Variants in RUNX1T1 observed in about 807,000 individuals in gnomAD.
RUNX1T1 encodes the protein protein CBFA2T1.
RUNX1T1 carries 4 observed loss-of-function variants against 62.8 expected under a neutral mutation model. The observed-to-expected ratio is 0.06, with a 90% CI of 0.03 to 0.15. The LOEUF (loss-of-function observed/expected upper bound fraction) is 0.15. Among genes scored for constraint, RUNX1T1 ranks in the 10% least tolerant of loss-of-function variants. RUNX1T1 has a pLI of 1.00. For missense variants in RUNX1T1, 508 were observed against 754.3 expected, an observed-to-expected ratio of 0.67 and a Z score of 3.82; for synonymous variants, 291 against 286.0, an observed-to-expected ratio of 1.02 and a Z score of -0.18.
At chr8:92,014,026 CTGTA>C (rs1822501871) in intron 3 of RUNX1T1, among the ~76,000 whole-genome samples, 2 of 151,976 alleles carry the variant, frequency 1.3e-5, no homozygotes, top group Admixed American at 6.6e-5. Flanking sequence ...AAATGATGAA[CTGTA>C]TGTATATTTT....
At chr8:92,101,537 G>A (rs555865978), upstream of RUNX1T1, among the ~76,000 whole-genome samples, 7 of 152,122 alleles carry the variant, frequency 4.6e-5, no homozygotes, top group Non-Finnish European at 1.0e-4. Flanking sequence ...GGAATTTGTG[G>A]TGCCCAGTCT....
In RUNX1T1 at chr8:92,024,497, C is replaced by CAAAAAAAAAAA. The variant is rs34547904; in HGVS notation, c.8-7145_8-7135dup. 1.8e-3 allele frequency among the ~76,000 whole-genome samples: 31 copies of CAAAAAAAAAAA among 17,542 alleles called. 2 individuals carry two copies. The highest frequency in any genetic ancestry group is 2.1e-3 in the Non-Finnish European group (18 of 8,714). 11.5% of individuals were successfully genotyped at this position (17,542 alleles called of 152,430 possible). A position where few individuals can be genotyped will look rare whatever the true frequency, so the allele number is the denominator to read the frequency against. ...GGGGTAACAGAGTGAAACCCCAACTCAAAAAAAAAAAAAAAAAAAAAAAAA... is the reference window on the plus strand; with the variant it reads ...GGGGTAACAGAGTGAAACCCCAACTCAAAAAAAAAAAAAAAAAAAAAAAAAAAAAAAAAAAA... On this transcript the variant is annotated intron_variant, in intron 1 of 10. Transcript: ENST00000396218.
At chr8:91,997,056 C>A (rs192263777) in intron 5 of RUNX1T1, among the ~76,000 whole-genome samples, 15 of 152,064 alleles carry the variant, frequency 9.9e-5, no homozygotes, top group African/African-American at 2.7e-4. Context: ...GAACCTGAGG[C>A]ACAGAGGTTG....
At chr8:92,000,484 A>C (rs1819553944) in intron 5 of RUNX1T1, among the ~76,000 whole-genome samples, 1 of 152,198 alleles carries the variant, frequency 6.6e-6, no homozygotes, top group African/African-American at 2.4e-5. Context: ...TTCATAGAAA[A>C]CCGAATGCAG....
chr8:92,000,030 G>A (rs1168823100), intron 5 of RUNX1T1, among the ~76,000 whole-genome samples: 2 of 152,166 alleles, frequency 1.3e-5, no homozygotes. Context: ...TTGTGGCTCG[G>A]TACAGTGGCT....
At chr8:91,981,404 CTTTTTTTTTTTTTTT>C (rs67366711) in intron 8 of RUNX1T1, among the ~76,000 whole-genome samples, 5 of 63,884 alleles carry the variant, frequency 7.8e-5, no homozygotes, top group Admixed American at 2.2e-4. Flanking sequence ...AGTTACTAAG[CTTTTTTTTTTTTTTT>C]TTTTTTTTTT....
chr8:92,026,162 C>T (rs1825108066), intron 1 of RUNX1T1, among the ~76,000 whole-genome samples: 1 of 152,108 alleles, frequency 6.6e-6, no homozygotes, highest in Non-Finnish European at 1.5e-5. Context: ...TTTCTCTGTT[C>T]TATAATGGGC....
intron 1 of RUNX1T1, among the ~76,000 whole-genome samples, chr8:92,055,604 G>C (rs1372166159): frequency 6.6e-6 from 1 of 152,094 alleles, no homozygotes. Context: ...ACCACGCCTG[G>C]CTTCCACTTT....
chr8:92,004,461 G>C (rs1270672293), intron 5 of RUNX1T1: 2 of 152,154 alleles, frequency 1.3e-5, no homozygotes, highest in African/African-American at 4.8e-5. Flanking sequence ...CAATTACTCT[G>C]TAGGGTTTAA....
At chr8:91,986,775 A>T in intron 7 of RUNX1T1, 112 bp downstream of exon 8, 1 of 725,850 alleles carries the variant, frequency 1.4e-6, no homozygotes, top group Non-Finnish European at 2.4e-6. Flanking sequence ...TTTCAAGGAT[A>T]GCAGGAAAAA....
intron 1 of RUNX1T1, among the ~76,000 whole-genome samples, chr8:92,091,185 T>C (rs1836944669): frequency 2.0e-5 from 3 of 152,226 alleles, no homozygotes; most frequent in Non-Finnish European, 2.9e-5. Flanking sequence ...AAGATCTATA[T>C]TCTAAAGGCC....
At chr8:91,956,450 A>T (rs1809400530), downstream of RUNX1T1, 1 of 228,028 alleles carries the variant, frequency 4.4e-6, no homozygotes. Context: ...GGCTGGGGTC[A>T]CTGGTGGGCA....
intron 5 of RUNX1T1, among the ~76,000 whole-genome samples, chr8:92,001,151 C>CA (rs1310630399): frequency 6.6e-6 from 1 of 151,766 alleles, no homozygotes; most frequent in Non-Finnish European, 1.5e-5. Context: ...CATAGCGAGA[C>CA]ACTGTCTTAA....
chr8:92,007,109 G>T (rs775192908), intron 4 of RUNX1T1, among the ~76,000 whole-genome samples: 25 of 152,076 alleles, frequency 1.6e-4, no homozygotes, highest in African/African-American at 3.4e-4. Context: ...TAGATACCTT[G>T]TGTCATAAAA....
intron 1 of RUNX1T1, among the ~76,000 whole-genome samples, chr8:92,082,640 C>A (rs1835452272): frequency 6.6e-6 from 1 of 152,200 alleles, no homozygotes; most frequent in Non-Finnish European, 1.5e-5. Flanking sequence ...GAAGAAAAAA[C>A]AGTGAGACTC....
chr8:92,096,245 T>C (rs1368344577), intron 1 of RUNX1T1, among the ~76,000 whole-genome samples: 1 of 152,056 alleles, frequency 6.6e-6, no homozygotes, highest in Non-Finnish European at 1.5e-5. Context: ...CCTCCAGAAA[T>C]TGTGTTGGGG....
chr8:92,040,831 G>T (rs1216598811), intron 1 of RUNX1T1, among the ~76,000 whole-genome samples: 2 of 152,074 alleles, frequency 1.3e-5, no homozygotes, highest in African/African-American at 4.8e-5. Flanking sequence ...CTTGTGCCCA[G>T]GTGTTAAAAG....
intron 10 of RUNX1T1, among the ~76,000 whole-genome samples, chr8:91,962,056 G>A (rs1035339804): frequency 3.3e-5 from 5 of 152,176 alleles, no homozygotes; most frequent in Non-Finnish European, 7.3e-5. Context: ...CCCTGTGTAT[G>A]GCTTTACCAC....
intron 10 of RUNX1T1, among the ~76,000 whole-genome samples, chr8:91,962,238 T>C (rs943316451): frequency 6.6e-6 from 1 of 152,144 alleles, no homozygotes; most frequent in African/African-American, 2.4e-5. Context: ...CAGACATTGC[T>C]ATGTTGAGCA....
Sources: allele counts gnomAD v4.1 joint callset (sites outside exome capture counted in the v4.1 genomes callset), GRCh38; gene constraint gnomAD v4.1.1; transcripts MANE v1.5; gene names NCBI Gene and HGNC (gene_info 2026-07-23, HGNC 2026-07-21).